The following ADSS2 variants were observed in gnomAD, a reference collection of about 807,000 sequenced individuals.
The protein encoded by ADSS2 is adenylosuccinate synthase 2.
In ADSS2, 30 loss-of-function variants were observed where a neutral mutation model predicts 60.0. The observed-to-expected ratio is 0.50, with a 90% CI of 0.37 to 0.68. The LOEUF (loss-of-function observed/expected upper bound fraction) is 0.68. Among genes scored for constraint, ADSS2 ranks in the 30% least tolerant of loss-of-function variants. ADSS2 has a pLI of 0.00. For missense variants in ADSS2, 373 were observed against 554.8 expected (o/e 0.67, Z 3.29); for synonymous variants, 187 against 193.1 (o/e 0.97, Z 0.26).
chr1:244,417,900 G>T, intron 9 of ADSS2, 148 bp from the exon 10 acceptor site: 1 of 701,916 alleles, frequency 1.4e-6, no homozygotes, highest in Non-Finnish European at 2.2e-6. Flanking sequence ...CCACAGAGAT[G>T]ATGAATTTTA....
rs537445762 is a variant in ADSS2 at position 244,411,197 on chromosome 1, G to A, written c.1318+90C>T. ...GATCCCGCCACTGCACTCCAGCCTGGGACAGAGCGAGACTCCGTCTCAAAA... is the reference window on the plus strand; with the variant it reads ...GATCCCGCCACTGCACTCCAGCCTGAGACAGAGCGAGACTCCGTCTCAAAA... On this transcript the variant is annotated intron_variant, in intron 12 of 12. Coordinates refer to ENST00000366535, the MANE Select transcript of ADSS2 (RefSeq NM_001126.5). The A allele has an allele frequency of 2.6e-4, 348 of 1,348,328 alleles. 3 individuals are homozygous for A. In the African/African-American group the frequency reaches 4.7e-3, roughly 18 times the overall value. 83.5% of individuals were successfully genotyped at this position (1,348,328 alleles called of 1,614,324 possible).
At chr1:244,420,033 T>G (rs949987735) in intron 8 of ADSS2, 137 bp downstream of exon 8, 16 of 863,348 alleles carry the variant, frequency 1.9e-5, no homozygotes, top group Middle Eastern at 3.6e-4. Flanking sequence ...TGCCACAAGA[T>G]GACAAATTTC....
chr1:244,412,328 C>T (rs1664434514), intron 11 of ADSS2, among the ~76,000 whole-genome samples: 1 of 152,186 alleles, frequency 6.6e-6, no homozygotes, highest in Non-Finnish European at 1.5e-5. Flanking sequence ...CGCCTATGTG[C>T]AAATCTCTAC....
chr1:244,419,971 T>C (rs922487789), intron 8 of ADSS2, among the ~76,000 whole-genome samples, 199 bp downstream of exon 8: 5 of 152,228 alleles, frequency 3.3e-5, no homozygotes, highest in African/African-American at 4.8e-5. Flanking sequence ...TCTAATAAAA[T>C]AGGGAACGTA....
At chr1:244,435,271 A>G (rs1665067974) in intron 3 of ADSS2, among the ~76,000 whole-genome samples, 1 of 151,144 alleles carries the variant, frequency 6.6e-6, no homozygotes, top group Admixed American at 6.6e-5. Context: ...TAACTATACT[A>G]ATGATTTTCC....
At chr1:244,435,817 G>A (rs1395803850) in intron 3 of ADSS2, among the ~76,000 whole-genome samples, 1 of 152,218 alleles carries the variant, frequency 6.6e-6, no homozygotes. Context: ...TGGGAAAAAT[G>A]TGTTCAGGGT....
chr1:244,428,469 G>C (rs1158397011), intron 4 of ADSS2, among the ~76,000 whole-genome samples: 1 of 150,936 alleles, frequency 6.6e-6, no homozygotes, highest in East Asian at 2.0e-4. Context: ...AATTTTAAAT[G>C]CTTACATTAG....
chr1:244,438,498 G>C (rs1310237398), intron 1 of ADSS2, among the ~76,000 whole-genome samples: 1 of 152,012 alleles, frequency 6.6e-6, no homozygotes, highest in Admixed American at 6.5e-5. Flanking sequence ...ACAAAAAGTA[G>C]GTACAAAGGA....
intron 11 of ADSS2, among the ~76,000 whole-genome samples, chr1:244,412,919 G>A (rs1368122534): frequency 6.6e-6 from 1 of 152,144 alleles, no homozygotes; most frequent in African/African-American, 2.4e-5. Flanking sequence ...CCTCTGTCTT[G>A]CAAGGCAGCA....
At chr1:244,420,431 C>T (rs1664648544) in intron 7 of ADSS2, 135 bp from the exon 8 acceptor site, 3 of 695,094 alleles carry the variant, frequency 4.3e-6, no homozygotes, top group Non-Finnish European at 6.8e-6. Flanking sequence ...TGACGGTGCT[C>T]ACTCTATTGT....
At chr1:244,427,209 C>G (rs1664827429) in intron 4 of ADSS2, among the ~76,000 whole-genome samples, 1 of 152,024 alleles carries the variant, frequency 6.6e-6, no homozygotes, top group African/African-American at 2.4e-5. Context: ...AACTGGCCAG[C>G]AACTTAATAA....
intron 1 of ADSS2, among the ~76,000 whole-genome samples, chr1:244,447,211 A>T (rs1665415255): frequency 1.3e-5 from 2 of 152,214 alleles, no homozygotes; most frequent in South Asian, 4.1e-4. Flanking sequence ...TTTGGTGTCA[A>T]CATCTGACAC....
chr1:244,451,936 C>T, upstream of ADSS2: 4 of 1,116,690 alleles, frequency 3.6e-6, no homozygotes, highest in Non-Finnish European at 3.6e-6. The surrounding 1 kb of genome is among the most constrained non-coding windows in gnomAD (Gnocchi z 6.6). Flanking sequence ...GCCGGCCCCG[C>T]CCCCGCCCCG....
Position 244,451,540 on chromosome 1 carries a change from T to TGG in ADSS2, c.183+93_183+94dup. 3 of 1,361,660 alleles carry TGG rather than the reference T, an allele frequency of 2.2e-6. No individual in the cohort carries two copies. Among genetic ancestry groups the TGG allele is most frequent in the Non-Finnish European group, 3.0e-6 (3 of 1,015,220 alleles). The allele number at this position is 1,361,660 out of a possible 1,614,324, so 84.3% of individuals were successfully genotyped here. ...CAAGGTGACACCTCATTTTGGCCAG[T>TGG]GGATCCGGGTTCTGGGTCCGAGTTC... On this transcript the variant is annotated intron_variant, in intron 1 of 12. Transcript: ENST00000366535. The surrounding 1 kb of genome is among the most constrained non-coding windows in gnomAD (Gnocchi z 6.6).
intron 12 of ADSS2, among the ~76,000 whole-genome samples, chr1:244,410,812 T>C (rs976503007): frequency 5.9e-5 from 9 of 152,218 alleles, no homozygotes; most frequent in African/African-American, 2.2e-4. Context: ...TCGTATTTAC[T>C]TTAAGGAATA....
At chr1:244,432,353 G>A (rs1200433569) in intron 4 of ADSS2, among the ~76,000 whole-genome samples, 192 bp downstream of exon 4, 2 of 151,700 alleles carry the variant, frequency 1.3e-5, no homozygotes, top group Non-Finnish European at 2.9e-5. Context: ...TTTTCAAACA[G>A]GTAAATTTCA....
In ADSS2 at chr1:244,432,601, A is replaced by C. The variant is rs918027946; in HGVS notation, c.356-6T>G. The C allele has an allele frequency of 3.9e-6, 6 of 1,540,604 alleles. No homozygotes were observed. Among genetic ancestry groups the C allele is most frequent in the African/African-American group, 2.8e-5 (2 of 71,472 alleles). ...TTTTTCCCAGCCTTCTAGTCCTAGA[A>C]AGGGGAAAAAGATATATTTAATTGA... On this transcript the variant is annotated splice_polypyrimidine_tract_variant and splice_region_variant and intron_variant, in intron 3 of 12. Coordinates refer to ENST00000366535, the MANE Select transcript of ADSS2 (RefSeq NM_001126.5).
intron 10 of ADSS2, among the ~76,000 whole-genome samples, chr1:244,416,779 C>G (rs1664543629): frequency 6.6e-6 from 1 of 152,144 alleles, no homozygotes. Context: ...TCCCTCAATT[C>G]TTCACTCTGG....
At chr1:244,445,347 C>T (rs774621460) in intron 1 of ADSS2, among the ~76,000 whole-genome samples, 2 of 152,084 alleles carry the variant, frequency 1.3e-5, no homozygotes, top group Non-Finnish European at 2.9e-5. Context: ...AAAATGATTG[C>T]TAGATATTAA....
Sources: gnomAD v4.1 joint callset for allele counts (sites outside exome capture counted in the v4.1 genomes callset) on GRCh38, gnomAD v4.1.1 for gene constraint, Gnocchi (gnomAD v3.1) non-coding constraint, MANE v1.5 for transcripts, NCBI Gene and HGNC (gene_info 2026-07-23, HGNC 2026-07-21) for gene names.